CACNA1D: variants seen among roughly 807,000 people sequenced by gnomAD.
The protein encoded by CACNA1D is calcium voltage-gated channel subunit alpha1 D.
CACNA1D carries 55 observed loss-of-function variants against 257.1 expected under a neutral mutation model. The observed-to-expected ratio is 0.21, with a 90% confidence interval of 0.17 to 0.27. CACNA1D has a LOEUF of 0.27. Ranked by LOEUF, CACNA1D falls within the 10% of genes least tolerant of loss-of-function variation. The pLI is 1.00. For synonymous variants in CACNA1D, 980 were observed against 1,014.9 expected (o/e 0.97, Z 0.65); for missense variants, 1,876 against 2,784.0 (o/e 0.67, Z 7.34).
intron 3 of CACNA1D, among the ~76,000 whole-genome samples, chr3:53,603,977 G>GT (rs1447307272): frequency 6.6e-6 from 1 of 152,242 alleles, no homozygotes; most frequent in Non-Finnish European, 1.5e-5. Flanking sequence ...GGAAGATTTA[G>GT]TAGAGGGCCT....
chr3:53,536,436 T>C (rs1403941318), intron 3 of CACNA1D, among the ~76,000 whole-genome samples: 1 of 152,234 alleles, frequency 6.6e-6, no homozygotes, highest in Non-Finnish European at 1.5e-5. Context: ...TACTGATTTT[T>C]TCACAGAAGC....
intron 39 of CACNA1D, chr3:53,786,384 A>G (rs559874849): frequency 1.1e-5 from 2 of 188,522 alleles, no homozygotes; most frequent in South Asian, 1.1e-4. Context: ...ATCTTGAGAC[A>G]TCGGGATTTG....
intron 5 of CACNA1D, among the ~76,000 whole-genome samples, chr3:53,663,274 A>G (rs1488826030): frequency 2.0e-5 from 3 of 152,206 alleles, no homozygotes; most frequent in Non-Finnish European, 4.4e-5. Flanking sequence ...AGCTTCTTGC[A>G]TTCTTTCTTT....
At chr3:53,623,133 C>A (rs1350448060) in intron 3 of CACNA1D, among the ~76,000 whole-genome samples, 1 of 152,212 alleles carries the variant, frequency 6.6e-6, no homozygotes, top group Non-Finnish European at 1.5e-5. Context: ...CGTGATCAGC[C>A]GGTCTTGGCC....
intron 31 of CACNA1D, 99 bp from the exon 32 acceptor site, chr3:53,770,325 G>A (rs2095359474): frequency 8.6e-7 from 1 of 1,163,638 alleles, no homozygotes; most frequent in East Asian, 2.3e-5. Context: ...CACATCTTCA[G>A]TTCTTACCTC....
At chr3:53,521,020 C>A (rs977695826) in intron 3 of CACNA1D, among the ~76,000 whole-genome samples, 1 of 133,264 alleles carries the variant, frequency 7.5e-6, no homozygotes, top group Non-Finnish European at 1.6e-5. Context: ...TCTTTCTTTC[C>A]TTTTTTCCTC....
At chr3:53,547,214 A>G (rs2092430874) in intron 3 of CACNA1D, among the ~76,000 whole-genome samples, 1 of 152,100 alleles carries the variant, frequency 6.6e-6, no homozygotes, top group Non-Finnish European at 1.5e-5. Context: ...ATTAAGGCTC[A>G]CTGGTTGTGG....
At chr3:53,569,078 T>G (rs2092899728) in intron 3 of CACNA1D, among the ~76,000 whole-genome samples, 1 of 152,186 alleles carries the variant, frequency 6.6e-6, no homozygotes, top group South Asian at 2.1e-4. Flanking sequence ...ACCTCACTGT[T>G]GCTTCCTTTC....
At chr3:53,791,230 C>T (rs941879814) in intron 40 of CACNA1D, 18 of 553,794 alleles carry the variant, frequency 3.3e-5, no homozygotes, top group African/African-American at 2.8e-4. Context: ...GGCTGCCTGT[C>T]GCGGACGTTG....
intron 3 of CACNA1D, among the ~76,000 whole-genome samples, chr3:53,602,932 G>A (rs1008196223): frequency 2.0e-5 from 3 of 152,096 alleles, no homozygotes; most frequent in Non-Finnish European, 1.5e-5. Flanking sequence ...TTCCTTTGCC[G>A]TGCAGTGGTG....
Position 53,673,251 on chromosome 3 carries a change from T to C in CACNA1D, c.1220+125T>C. The C allele has an allele frequency of 3.1e-6, 2 of 654,318 alleles. No individual in the cohort carries two copies. The highest frequency in any genetic ancestry group is 5.4e-6 in the Non-Finnish European group (2 of 367,800). The allele number at this position is 654,318 out of a possible 1,614,324, so 40.5% of individuals were successfully genotyped here. ...ACATTTTATGTGTCCTCTGAGATGC[T>C]TTCTTTTCTGCTGAGGCTTCCCAAA... On this transcript the variant is annotated intron_variant, in intron 8 of 47. Coordinates refer to ENST00000350061, the MANE Select transcript of CACNA1D (RefSeq NM_001128840.3). This position sits in a 1 kb window ranked among gnomAD's most constrained non-coding sequence, Gnocchi z 4.1.
chr3:53,509,293 G>T (rs1315423482), intron 3 of CACNA1D, among the ~76,000 whole-genome samples: 2 of 152,086 alleles, frequency 1.3e-5, no homozygotes, highest in Admixed American at 1.3e-4. Flanking sequence ...GTGTGTGTGT[G>T]TGTGTTTGAG....
chr3:53,630,407 C>T (rs1181810705), intron 3 of CACNA1D, among the ~76,000 whole-genome samples: 3 of 152,210 alleles, frequency 2.0e-5, no homozygotes, highest in Non-Finnish European at 4.4e-5. Context: ...TTATCCAGTA[C>T]TTCCAATGGA....
chr3:53,728,087 A>G (rs2094953568), intron 15 of CACNA1D, among the ~76,000 whole-genome samples: 1 of 151,678 alleles, frequency 6.6e-6, no homozygotes, highest in South Asian at 2.1e-4. Context: ...GATTTTATCC[A>G]CGTCTCTTAC....
At chr3:53,768,247 T>C (rs757421801) in intron 30 of CACNA1D, among the ~76,000 whole-genome samples, 3 of 152,162 alleles carry the variant, frequency 2.0e-5, no homozygotes, top group Non-Finnish European at 4.4e-5. Flanking sequence ...CCTTACTGTC[T>C]TGCAGGTCTG....
At chr3:53,713,566 C>T (rs1258110345) in intron 9 of CACNA1D, among the ~76,000 whole-genome samples, 1 of 149,844 alleles carries the variant, frequency 6.7e-6, no homozygotes, top group Non-Finnish European at 1.5e-5. Flanking sequence ...TCCAAATTCA[C>T]AAGCCTGACA....
intron 3 of CACNA1D, among the ~76,000 whole-genome samples, chr3:53,577,033 G>C (rs1241511708): frequency 6.6e-6 from 1 of 152,100 alleles, no homozygotes; most frequent in Non-Finnish European, 1.5e-5. Context: ...TTCTACAGGG[G>C]CAATCGGAGC....
At chr3:53,667,946 C>T (rs2094285546) in intron 7 of CACNA1D, among the ~76,000 whole-genome samples, 1 of 152,072 alleles carries the variant, frequency 6.6e-6, no homozygotes, top group Non-Finnish European at 1.5e-5. Flanking sequence ...AGGGGCATGG[C>T]TTCTGTATGC....
chr3:53,693,563 CA>C (rs1233414961), intron 8 of CACNA1D, among the ~76,000 whole-genome samples: 1 of 151,060 alleles, frequency 6.6e-6, no homozygotes, highest in African/African-American at 2.4e-5. Flanking sequence ...TTCTTTGAAT[CA>C]AACTACATTT....
Sources: allele counts gnomAD v4.1 joint callset (sites outside exome capture counted in the v4.1 genomes callset), GRCh38; gene constraint gnomAD v4.1.1; non-coding constraint Gnocchi (gnomAD v3.1); transcripts MANE v1.5; gene names NCBI Gene and HGNC (gene_info 2026-07-23, HGNC 2026-07-21).